Variants in ANKDD1B observed in about 807,000 individuals in gnomAD.
ANKDD1B encodes the protein ankyrin repeat and death domain containing 1B, also known as ankyrin repeat and death domain-containing protein 1B.
A neutral mutation model predicts 59.7 loss-of-function variants in ANKDD1B; 57 were observed. The ratio of observed to expected loss-of-function variants is 0.95; its 90% CI spans 0.77 to 1.19. ANKDD1B has a LOEUF of 1.19. Ranked by LOEUF, ANKDD1B falls within the 50% of genes most tolerant of loss-of-function variation. ANKDD1B has a pLI of 0.00. For missense variants in ANKDD1B, 602 were observed against 641.9 expected (o/e 0.94, Z 0.67); for synonymous variants, 216 against 239.5 (o/e 0.90, Z 0.91).
chr5:75,663,907 T>C (rs531362722), intron 11 of ANKDD1B, among the ~76,000 whole-genome samples: 23 of 152,384 alleles, frequency 1.5e-4, no homozygotes, highest in Non-Finnish European at 2.1e-4. Context: ...TTTCAGGCAC[T>C]CAAGTATTCT....
chr5:75,649,816 C>T (rs6870090), intron 7 of ANKDD1B, among the ~76,000 whole-genome samples: 14,028 of 152,156 alleles, frequency 0.092, 1,579 homozygotes, highest in African/African-American at 0.27. Flanking sequence ...ATCTAAAAAG[C>T]AGATTTAATT....
At chr5:75,639,342 G>T (rs182306121) in intron 7 of ANKDD1B, among the ~76,000 whole-genome samples, 3 of 151,974 alleles carry the variant, frequency 2.0e-5, no homozygotes, top group Admixed American at 6.6e-5. Flanking sequence ...GATTACAGGC[G>T]CATGCCACCA....
At chr5:75,670,887 C>G in intron 13 of ANKDD1B, 92 bp from the exon 14 acceptor site, 1 of 427,978 alleles carries the variant, frequency 2.3e-6, no homozygotes, top group Non-Finnish European at 3.9e-6. Flanking sequence ...CTTCAAAGGG[C>G]TGTTGTGGGA....
rs1164047275 is a variant in ANKDD1B, at chr5:75,625,664, T to G, written c.414T>G (p.Ile138Met). The G allele has an allele frequency of 6.5e-7, 1 of 1,536,446 alleles. No homozygotes were observed. The highest frequency in any genetic ancestry group is 8.7e-7 in the Non-Finnish European group (1 of 1,146,980). ...DVADKHGLTVIHLAAWSGSLE... is the reference protein window; with the variant it reads ...DVADKHGLTVMHLAAWSGSLE... ...TGGGGAAGCACGGCTTGACAGTAAT[T>G]CACCTTGCAGCCTGGTCTGGGAGCC... is the stretch of plus-strand genomic sequence containing the variant. Residue 138 changes from isoleucine (I) to methionine (M), a missense_variant, in exon 4 of 14, where the codon ATT (isoleucine) becomes ATG (methionine). This residue lies in a region of ANKDD1B where 317 missense variants were observed against 304.6 expected (regional missense o/e 1.04). Coordinates refer to ENST00000601380, the MANE Select transcript of ANKDD1B (RefSeq NM_001276713.2).
intron 13 of ANKDD1B, among the ~76,000 whole-genome samples, chr5:75,670,451 T>C (rs575216410): frequency 6.6e-6 from 1 of 152,368 alleles, no homozygotes; most frequent in East Asian, 1.9e-4. Context: ...ATTCATTCCA[T>C]GAATCCAATT....
chr5:75,634,668 A>T, intron 5 of ANKDD1B: 1 of 434,874 alleles, frequency 2.3e-6, no homozygotes, highest in Non-Finnish European at 4.2e-6. Flanking sequence ...TCTGAACAGT[A>T]TTTGTGTGCC....
At chr5:75,663,320 C>A (rs976514437) in intron 10 of ANKDD1B, 74 bp from the exon 11 acceptor site, 5 of 1,094,326 alleles carry the variant, frequency 4.6e-6, no homozygotes, top group East Asian at 2.6e-5. Flanking sequence ...TGAACCGAGG[C>A]CCCCTTGTTC....
At chr5:75,657,850 C>G (rs1206244535) in intron 9 of ANKDD1B, among the ~76,000 whole-genome samples, 2 of 150,634 alleles carry the variant, frequency 1.3e-5, no homozygotes, top group Non-Finnish European at 3.0e-5. Flanking sequence ...GAGCTGAGAT[C>G]GCCACCACTG....
chr5:75,669,612 A>C (rs1042637276), intron 13 of ANKDD1B, among the ~76,000 whole-genome samples: 2 of 151,856 alleles, frequency 1.3e-5, no homozygotes, highest in Non-Finnish European at 2.9e-5. Context: ...TCATCCCCCT[A>C]CTCAGCATTT....
intron 10 of ANKDD1B, 64 bp from the exon 11 acceptor site, chr5:75,663,330 C>A: frequency 8.0e-7 from 1 of 1,253,318 alleles, no homozygotes; most frequent in Non-Finnish European, 1.1e-6. Context: ...CCCCCTTGTT[C>A]CAAAACTAGA....
chr5:75,618,089 T>C (rs560332719), intron 2 of ANKDD1B, among the ~76,000 whole-genome samples: 11 of 150,358 alleles, frequency 7.3e-5, no homozygotes, highest in Admixed American at 6.6e-5. Flanking sequence ...TTTTGTAGCG[T>C]AACAATTTTA....
In ANKDD1B at chr5:75,611,809, G is replaced by A. The variant is rs865879124; in HGVS notation, c.175G>A (p.Val59Ile). Residue 59 changes from valine to isoleucine, a missense_variant, in exon 1 of 14, where the codon GTT becomes ATT. Transcript: ENST00000601380. ...REGLGEEDTA[V>I]AGHELLLPNE... ...GGGTCTTGGAGAGGAGGACACAGCA[G>A]TTGCCGGACACGAGCTCCGTGAGTC... 1.2e-5 allele frequency: 15 copies of A among 1,231,978 alleles called. No individual in the cohort carries two copies. Among genetic ancestry groups the A allele is most frequent in the Non-Finnish European group, 1.4e-5 (14 of 988,152 alleles). The allele number at this position is 1,231,978 out of a possible 1,614,324, so 76.3% of individuals were successfully genotyped here.
intron 7 of ANKDD1B, among the ~76,000 whole-genome samples, chr5:75,648,177 C>T (rs1231570916): frequency 9.2e-6 from 1 of 108,796 alleles, no homozygotes; most frequent in East Asian, 2.5e-4. Flanking sequence ...GGGTGCGGCG[C>T]ACCAGCATGG....
chr5:75,649,964 G>A (rs1399852871), intron 7 of ANKDD1B, among the ~76,000 whole-genome samples: 1 of 152,094 alleles, frequency 6.6e-6, no homozygotes, highest in Non-Finnish European at 1.5e-5. Flanking sequence ...AATAGTGCCT[G>A]GCACAAAATA....
intron 7 of ANKDD1B, among the ~76,000 whole-genome samples, chr5:75,652,601 C>T (rs572012052): frequency 6.6e-6 from 1 of 152,326 alleles, no homozygotes; most frequent in South Asian, 2.1e-4. Flanking sequence ...GGACACACCA[C>T]CAAGCCCAGC....
chr5:75,635,074 A>G, intron 6 of ANKDD1B, 78 bp downstream of exon 6: 1 of 961,734 alleles, frequency 1.0e-6, no homozygotes, highest in East Asian at 2.6e-5. Flanking sequence ...AACAATTGGC[A>G]TGTAGATTTG....
At chr5:75,632,838 G>A (rs989383136) in intron 5 of ANKDD1B, among the ~76,000 whole-genome samples, 1 of 152,156 alleles carries the variant, frequency 6.6e-6, no homozygotes, top group Non-Finnish European at 1.5e-5. Context: ...TGGACTCTGA[G>A]CTTGAGGATG....
intron 1 of ANKDD1B, among the ~76,000 whole-genome samples, chr5:75,612,416 C>T (rs1032136985): frequency 1.4e-5 from 2 of 140,088 alleles, no homozygotes; most frequent in Non-Finnish European, 3.1e-5. Context: ...CAATCACAGA[C>T]CTCCTCAGGC....
At chr5:75,638,528 TCA>T (rs1472296236) in intron 7 of ANKDD1B, among the ~76,000 whole-genome samples, 1 of 152,202 alleles carries the variant, frequency 6.6e-6, no homozygotes, top group East Asian at 1.9e-4. Flanking sequence ...CATGTGGCTA[TCA>T]CATATACATT....
Sources: gnomAD v4.1 joint callset for allele counts (sites outside exome capture counted in the v4.1 genomes callset) on GRCh38, gnomAD v4.1.1 for gene constraint, gnomAD v4.1.1 regional missense constraint, MANE v1.5 for transcripts, NCBI Gene and HGNC (gene_info 2026-07-23, HGNC 2026-07-21) for gene names.